ANKMY2: variants seen among roughly 807,000 people sequenced by gnomAD.
The protein encoded by ANKMY2 is ankyrin repeat and MYND domain containing 2, also known as ankyrin repeat and MYND domain-containing protein 2.
A neutral mutation model predicts 50.4 loss-of-function variants in ANKMY2; 36 were observed. The observed-to-expected ratio is 0.71, with a 90% CI of 0.55 to 0.94. The LOEUF (loss-of-function observed/expected upper bound fraction) is 0.94, where lower values mean the gene tolerates loss of function less well. ANKMY2 is among the 40% of genes least tolerant of loss of function. ANKMY2 has a pLI of 0.00. For missense variants in ANKMY2, 565 were observed against 524.0 expected (o/e 1.08, Z -0.76); for synonymous variants, 187 against 178.8 (o/e 1.05, Z -0.36).
intron 7 of ANKMY2, among the ~76,000 whole-genome samples, 193 bp downstream of exon 7, chr7:16,609,437 G>A (rs984368562): frequency 2.6e-5 from 4 of 152,130 alleles, no homozygotes; most frequent in Admixed American, 6.5e-5. Context: ...ACCATAATAA[G>A]GTAAGAAGAG....
At chr7:16,632,808 A>C (rs1781607399) in intron 2 of ANKMY2, among the ~76,000 whole-genome samples, 1 of 152,200 alleles carries the variant, frequency 6.6e-6, no homozygotes, top group South Asian at 2.1e-4. Context: ...TCCATGTTTA[A>C]TCATGTGAGG....
chr7:16,639,834 CT>C (rs886276983), intron 1 of ANKMY2, among the ~76,000 whole-genome samples: 1 of 152,008 alleles, frequency 6.6e-6, no homozygotes, highest in Non-Finnish European at 1.5e-5. Context: ...TACATTATAG[CT>C]TTTTCAGGAA....
chr7:16,636,045 C>T, intron 2 of ANKMY2, among the ~76,000 whole-genome samples: 1 of 151,892 alleles, frequency 6.6e-6, no homozygotes, highest in East Asian at 1.9e-4. Context: ...GTGGCTCATG[C>T]CTATAATCCC....
At chr7:16,645,054 C>T (rs1781812165) in intron 1 of ANKMY2, among the ~76,000 whole-genome samples, 1 of 152,148 alleles carries the variant, frequency 6.6e-6, no homozygotes, top group South Asian at 2.1e-4. Flanking sequence ...CCTCCACTCC[C>T]AAGCGGGGGC....
At chr7:16,635,111 A>G (rs1223930172) in intron 2 of ANKMY2, among the ~76,000 whole-genome samples, 1 of 152,186 alleles carries the variant, frequency 6.6e-6, no homozygotes, top group Non-Finnish European at 1.5e-5. Flanking sequence ...AAACAACCCA[A>G]AACTCTAACA....
rs1303840181 is a variant in ANKMY2 at position 16,600,887 on chromosome 7, T to C, written c.1200A>G (p.Val400=). The C allele has an allele frequency of 6.8e-6, 11 of 1,612,394 alleles. No individual in the cohort carries two copies. The highest frequency in any genetic ancestry group is 8.5e-6 in the Non-Finnish European group (10 of 1,179,238). ...GATTGGAATCCTTTTGAGAGATACCTACTTCAGCCTCTGGTTGCTCTTCAT... is the reference window on the plus strand; with the variant it reads ...GATTGGAATCCTTTTGAGAGATACCCACTTCAGCCTCTGGTTGCTCTTCAT... The part of the protein sequence containing the change: ...CVNEEQPEAE[V]GISQKDSNPE... Residue 400 remains valine, a synonymous_variant, in exon 10 of 10, where the codon GTA becomes GTG. Coordinates refer to ENST00000306999, the MANE Select transcript of ANKMY2 (RefSeq NM_020319.3).
chr7:16,637,680 C>T (rs1396673961), intron 1 of ANKMY2, among the ~76,000 whole-genome samples: 1 of 152,194 alleles, frequency 6.6e-6, no homozygotes, highest in Non-Finnish European at 1.5e-5. Flanking sequence ...AAACCTTATT[C>T]GTATCTGTGT....
In ANKMY2 at chr7:16,615,836, G is replaced by T; in HGVS notation, c.439C>A (p.Pro147Thr). The change falls in exon 5 of 10, where the codon CCC becomes ACC. Residue 147 changes from proline (P) to threonine (T), a missense_variant. Transcript: ENST00000306999. ...TTTGGCTCTTTATCCAGTCCCTGGG[G>T]CTTAGTGTAATAATCCAGTCTCTCT... Reference protein sequence around the residue: ...PRERLDYYTKPQGLDKEPKLP... With the variant: ...PRERLDYYTKTQGLDKEPKLP... 1 of 1,614,128 alleles carries T rather than the reference G, an allele frequency of 6.2e-7. No homozygotes were observed. The highest frequency in any genetic ancestry group is 1.1e-5 in the South Asian group (1 of 91,074).
chr7:16,605,742 G>C (rs1781148920), intron 7 of ANKMY2, among the ~76,000 whole-genome samples: 1 of 146,912 alleles, frequency 6.8e-6, no homozygotes, highest in Non-Finnish European at 1.5e-5. Context: ...GAGTGCAGTG[G>C]TGTGATCTCT....
At chr7:16,641,241 G>GACACAC (rs35547819) in intron 1 of ANKMY2, among the ~76,000 whole-genome samples, 24 of 150,354 alleles carry the variant, frequency 1.6e-4, no homozygotes, top group African/African-American at 5.1e-4. Flanking sequence ...CTCACACACA[G>GACACAC]ACACACACAC....
At chr7:16,612,050 C>G (rs1781264088) in intron 5 of ANKMY2, among the ~76,000 whole-genome samples, 1 of 152,184 alleles carries the variant, frequency 6.6e-6, no homozygotes. Flanking sequence ...AAGACAAGAA[C>G]TTGGATCTAG....
intron 7 of ANKMY2, among the ~76,000 whole-genome samples, chr7:16,605,750 T>A (rs1285662169): frequency 6.7e-6 from 1 of 148,980 alleles, no homozygotes; most frequent in Non-Finnish European, 1.5e-5. Context: ...TGGTGTGATC[T>A]CTGCTCACTG....
At chr7:16,624,418 G>A (rs886251822) in intron 4 of ANKMY2, among the ~76,000 whole-genome samples, 1 of 152,178 alleles carries the variant, frequency 6.6e-6, no homozygotes, top group Non-Finnish European at 1.5e-5. Flanking sequence ...GTCTGTGGTT[G>A]ATGAGAATGA....
chr7:16,627,374 T>C (rs1781521122), intron 2 of ANKMY2, among the ~76,000 whole-genome samples, 196 bp from the exon 3 acceptor site: 1 of 151,988 alleles, frequency 6.6e-6, no homozygotes, highest in Non-Finnish European at 1.5e-5. Context: ...TTACTGGAGA[T>C]TTTTTTACGG....
intron 4 of ANKMY2, among the ~76,000 whole-genome samples, chr7:16,616,733 G>C (rs1162080220): frequency 6.6e-6 from 1 of 152,236 alleles, no homozygotes; most frequent in Non-Finnish European, 1.5e-5. Context: ...ATGAGGGCTG[G>C]GGGACCAGCG....
chr7:16,634,713 C>T (rs1608698), intron 2 of ANKMY2, among the ~76,000 whole-genome samples: 48,212 of 151,966 alleles, frequency 0.32, 8,788 homozygotes, highest in Non-Finnish European at 0.39. Flanking sequence ...GCTTGAAAAC[C>T]TCAAGCATCT....
intron 1 of ANKMY2, among the ~76,000 whole-genome samples, chr7:16,638,573 T>A (rs1178285216): frequency 6.6e-6 from 1 of 152,184 alleles, no homozygotes; most frequent in African/African-American, 2.4e-5. Context: ...AACCTGTAGT[T>A]CAGTAATATT....
chr7:16,621,458 G>A (rs1431065828), intron 4 of ANKMY2, among the ~76,000 whole-genome samples: 1 of 152,126 alleles, frequency 6.6e-6, no homozygotes, highest in Non-Finnish European at 1.5e-5. Context: ...TTTCAATTTA[G>A]TAGGAAAATG....
At chr7:16,630,038 TAGAAG>T (rs1781560570) in intron 2 of ANKMY2, among the ~76,000 whole-genome samples, 1 of 152,126 alleles carries the variant, frequency 6.6e-6, no homozygotes, top group African/African-American at 2.4e-5. Context: ...CTACTAGAAG[TAGAAG>T]AGAATATTCC....
Sources: gnomAD v4.1 joint callset for allele counts (sites outside exome capture counted in the v4.1 genomes callset) on GRCh38, gnomAD v4.1.1 for gene constraint, MANE v1.5 for transcripts, NCBI Gene and HGNC (gene_info 2026-07-23, HGNC 2026-07-21) for gene names.